Variants in RGL1 observed in about 807,000 individuals in gnomAD.
RGL1 encodes ral guanine nucleotide dissociation stimulator like 1.
In RGL1, 24 loss-of-function variants were observed where a neutral mutation model predicts 95.2. The observed-to-expected ratio is 0.25, with a 90% CI of 0.18 to 0.35. The LOEUF is 0.35. Among genes scored for constraint, RGL1 ranks in the 10% least tolerant of loss-of-function variants. RGL1 has a pLI of 1.00. For missense variants in RGL1, 715 were observed against 936.3 expected (o/e 0.76, Z 3.08); for synonymous variants, 329 against 344.9 (o/e 0.95, Z 0.51).
intron 1 of RGL1, among the ~76,000 whole-genome samples, chr1:183,728,175 G>A (rs922583602): frequency 6.6e-6 from 1 of 152,178 alleles, no homozygotes; most frequent in Non-Finnish European, 1.5e-5. Flanking sequence ...CTTTGGACTT[G>A]AACTGGAACG....
chr1:183,637,880 T>A (rs1473344022), intron 1 of RGL1, among the ~76,000 whole-genome samples: 1 of 152,044 alleles, frequency 6.6e-6, no homozygotes, highest in Non-Finnish European at 1.5e-5. Flanking sequence ...AATGGCGTTA[T>A]ATAACTTAGA....
At chr1:183,827,361 G>GAATTAACCCA (rs1662938870) in intron 2 of RGL1, among the ~76,000 whole-genome samples, 1 of 152,130 alleles carries the variant, frequency 6.6e-6, no homozygotes, top group Non-Finnish European at 1.5e-5. Flanking sequence ...CAAAGGTGTG[G>GAATTAACCCA]AATTAACCCA....
At chr1:183,841,940 G>A (rs2102519789) in intron 2 of RGL1, among the ~76,000 whole-genome samples, 1 of 152,142 alleles carries the variant, frequency 6.6e-6, no homozygotes, top group African/African-American at 2.4e-5. Flanking sequence ...AAGTATAGTG[G>A]GAATATTTCA....
At position 183,824,694 on chromosome 1, in the gene RGL1, C is replaced by G. The variant is rs895415459; in HGVS notation, c.138+18209C>G. On this transcript the variant is annotated intron_variant, in intron 2 of 17. Coordinates refer to ENST00000360851, the MANE Select transcript of RGL1 (RefSeq NM_001297671.3). ...TGTGTTATCCTAAGTATATGTATAG[C>G]TTTAATTATGGGACCTGCTTTCTAT... 3.9e-5 allele frequency among the ~76,000 whole-genome samples: 6 copies of G among 152,208 alleles called. No homozygotes were observed. The East Asian group carries it at 1.2e-3, about 29-fold the overall frequency.
intron 10 of RGL1, 116 bp from the exon 11 acceptor site, chr1:183,900,034 C>A: frequency 1.5e-6 from 1 of 677,568 alleles, no homozygotes; most frequent in Non-Finnish European, 2.6e-6. Context: ...TGGAGGTTAG[C>A]ACCACTGGCC....
chr1:183,746,433 T>G (rs1657633213), intron 2 of RGL1, among the ~76,000 whole-genome samples: 1 of 152,014 alleles, frequency 6.6e-6, no homozygotes, highest in African/African-American at 2.4e-5. Flanking sequence ...CAACATTATG[T>G]TTATAAAATT....
intron 1 of RGL1, among the ~76,000 whole-genome samples, chr1:183,734,511 GTTGTTA>G (rs2102237701): frequency 6.6e-6 from 1 of 152,282 alleles, no homozygotes; most frequent in African/African-American, 2.4e-5. Flanking sequence ...CAATGTTGCT[GTTGTTA>G]TTGTTGAGAC....
chr1:183,835,246 A>G (rs1481009502), intron 2 of RGL1, among the ~76,000 whole-genome samples: 1 of 133,700 alleles, frequency 7.5e-6, no homozygotes, highest in Non-Finnish European at 1.6e-5. Flanking sequence ...TTTTTTTACA[A>G]GTCAGAATTT....
chr1:183,703,537 C>T (rs188502698), intron 1 of RGL1, among the ~76,000 whole-genome samples: 94 of 152,320 alleles, frequency 6.2e-4, no homozygotes, highest in Middle Eastern at 3.4e-3. Flanking sequence ...CAGGTTTGGA[C>T]TGGTACATGG....
intron 1 of RGL1, 22 bp downstream of exon 1, chr1:183,805,346 C>T (rs1442863211): frequency 6.3e-7 from 1 of 1,596,900 alleles, no homozygotes; most frequent in Non-Finnish European, 8.6e-7. Context: ...TCTCTGCCTT[C>T]TCCCGAGGCT....
chr1:183,913,265 G>C (rs911752328), intron 15 of RGL1, among the ~76,000 whole-genome samples: 11 of 122,636 alleles, frequency 9.0e-5, no homozygotes, highest in African/African-American at 3.1e-4. Context: ...GTACGATCTT[G>C]GCTCACTACA....
At chr1:183,795,754 G>A (rs1054929887) in intron 2 of RGL1, among the ~76,000 whole-genome samples, 1 of 152,184 alleles carries the variant, frequency 6.6e-6, no homozygotes, top group Admixed American at 6.5e-5. Flanking sequence ...ACTGTGTGGA[G>A]GATAAATTAA....
chr1:183,685,454 C>T (rs929217121), intron 1 of RGL1, among the ~76,000 whole-genome samples: 2 of 152,180 alleles, frequency 1.3e-5, no homozygotes, highest in Non-Finnish European at 2.9e-5. Flanking sequence ...GGAGGTTCTT[C>T]CTTTACAAAT....
At position 183,880,771 on chromosome 1, in the gene RGL1, A is replaced by G; in HGVS notation, c.581A>G (p.Gln194Arg). ...AGAAGAGCACAAAATCTTCTTGAGC[A>G]GTTTCAGAAGCAAGAAGTGGAAACT... ...PERRAQNLLEQFQKQEVETDN... is the reference protein window; with the variant it reads ...PERRAQNLLERFQKQEVETDN... The change falls in exon 5 of 18, where the codon CAG (glutamine) becomes CGG (arginine). Residue 194 changes from glutamine to arginine, a missense_variant. Transcript: ENST00000360851. The G allele has an allele frequency of 4.3e-6, 7 of 1,613,948 alleles. No homozygotes were observed. The highest frequency in any genetic ancestry group is 2.2e-5 in the East Asian group (1 of 44,868).
At chr1:183,636,730 T>C (rs1322501846) in intron 1 of RGL1, among the ~76,000 whole-genome samples, 1 of 152,146 alleles carries the variant, frequency 6.6e-6, no homozygotes, top group Non-Finnish European at 1.5e-5. Flanking sequence ...AAGATTTATA[T>C]TATGATTTGA....
chr1:183,892,205 C>A, intron 9 of RGL1, 44 bp downstream of exon 9: 1 of 1,368,314 alleles, frequency 7.3e-7, no homozygotes, highest in South Asian at 1.2e-5. Flanking sequence ...GTTAATAGCT[C>A]TGGAATCCAT....
chr1:183,684,206 C>G (rs919520076), intron 1 of RGL1, among the ~76,000 whole-genome samples: 4 of 152,114 alleles, frequency 2.6e-5, no homozygotes, highest in Non-Finnish European at 4.4e-5. Context: ...GTTTTGTTCC[C>G]TTGCTGGCGA....
At chr1:183,698,807 G>A (rs1654404527) in intron 1 of RGL1, among the ~76,000 whole-genome samples, 1 of 152,188 alleles carries the variant, frequency 6.6e-6, no homozygotes, top group Non-Finnish European at 1.5e-5. Flanking sequence ...GTCATTTTCA[G>A]TTGCTTTCCT....
At chr1:183,892,016 C>T in intron 8 of RGL1, 61 bp from the exon 9 acceptor site, 1 of 1,365,052 alleles carries the variant, frequency 7.3e-7, no homozygotes, top group Non-Finnish European at 1.0e-6. Flanking sequence ...ACAGCTGGGC[C>T]AAAAGTGTCG....
Sources: allele counts gnomAD v4.1 joint callset (sites outside exome capture counted in the v4.1 genomes callset), GRCh38; gene constraint gnomAD v4.1.1; transcripts MANE v1.5; gene names NCBI Gene and HGNC (gene_info 2026-07-23, HGNC 2026-07-21).